The following BRINP3 variants were observed in gnomAD, a reference collection of about 807,000 sequenced individuals.
The protein encoded by BRINP3 is BMP/retinoic acid-inducible neural-specific protein 3.
BRINP3 carries 19 observed loss-of-function variants against 71.0 expected under a neutral mutation model. The ratio of observed to expected loss-of-function variants is 0.27; its 90% CI spans 0.19 to 0.39. The LOEUF (loss-of-function observed/expected upper bound fraction) is 0.39, where lower values mean the gene tolerates loss of function less well. BRINP3 is among the 10% of genes least tolerant of loss of function. The pLI, the probability that BRINP3 is intolerant of heterozygous loss-of-function variation, is 1.00. For missense variants in BRINP3, 959 were observed against 940.8 expected (o/e 1.02, Z -0.25); for synonymous variants, 380 against 337.7 (o/e 1.13, Z -1.37).
Position 190,276,191 on chromosome 1 carries a change from A to G in BRINP3, c.427+5369T>C, listed in dbSNP as rs547972174. The stretch of plus-strand genomic sequence containing the variant: ...GAAAGTAATTCTATGCATCTCAAGT[A>G]ATTATTCATATTTCTTTAAGAAATA... On this transcript the variant is annotated intron_variant, in intron 3 of 7. Coordinates refer to ENST00000367462, the MANE Select transcript of BRINP3 (RefSeq NM_199051.3). Among the ~76,000 whole-genome samples, 27 of 151,724 alleles carry G rather than the reference A, an allele frequency of 1.8e-4. 1 individual carries two copies. Among genetic ancestry groups the G allele is most frequent in the Non-Finnish European group, 3.1e-4 (21 of 67,724 alleles).
intron 2 of BRINP3, among the ~76,000 whole-genome samples, chr1:190,337,632 C>T (rs751877032): frequency 2.6e-5 from 4 of 152,068 alleles, no homozygotes; most frequent in Non-Finnish European, 5.9e-5. Context: ...GCCAGGGGCT[C>T]TCAGGCCTTC....
intron 2 of BRINP3, among the ~76,000 whole-genome samples, chr1:190,304,974 A>G (rs1272363061): frequency 6.6e-6 from 1 of 152,004 alleles, no homozygotes; most frequent in East Asian, 1.9e-4. Flanking sequence ...ACATTTCTCA[A>G]AAGAAGACAT....
chr1:190,244,392 T>A (rs1281733567), intron 4 of BRINP3, among the ~76,000 whole-genome samples: 1 of 152,130 alleles, frequency 6.6e-6, no homozygotes, highest in East Asian at 1.9e-4. Context: ...ATCTGCTCGA[T>A]TGATACTCAC....
chr1:190,437,573 A>G (rs530207841), intron 2 of BRINP3, among the ~76,000 whole-genome samples: 2 of 151,950 alleles, frequency 1.3e-5, no homozygotes, highest in East Asian at 3.9e-4. Flanking sequence ...CTGCCCTACT[A>G]TTAAAGTCTC....
At chr1:190,411,137 A>G (rs1233256557) in intron 2 of BRINP3, among the ~76,000 whole-genome samples, 1 of 152,152 alleles carries the variant, frequency 6.6e-6, no homozygotes, top group Non-Finnish European at 1.5e-5. Context: ...AATAGAGTCC[A>G]GAAACATACC....
intron 4 of BRINP3, among the ~76,000 whole-genome samples, chr1:190,249,660 C>G (rs983674576): frequency 1.1e-4 from 16 of 151,734 alleles, no homozygotes; most frequent in Non-Finnish European, 4.4e-5. Context: ...GGTTTTCAAA[C>G]TTTAACCTAC....
intron 2 of BRINP3, among the ~76,000 whole-genome samples, chr1:190,403,771 C>T (rs1364319244): frequency 6.6e-6 from 1 of 152,194 alleles, no homozygotes; most frequent in Non-Finnish European, 1.5e-5. Flanking sequence ...TTCAAATTCT[C>T]TGGATATTTG....
rs538794440 is a variant in BRINP3 at position 190,294,618 on chromosome 1, G to A, written c.237-12868C>T. On this transcript the variant is annotated intron_variant, in intron 2 of 7. Transcript: ENST00000367462. Reference sequence around the variant, plus strand: ...CTCACCTCTCCAGGTCTGGTGACTGGCACTTTATTTAATCAATTTTGTTAG... The same window carrying A: ...CTCACCTCTCCAGGTCTGGTGACTGACACTTTATTTAATCAATTTTGTTAG... Among the ~76,000 whole-genome samples, 25 of 152,132 alleles carry A rather than the reference G, an allele frequency of 1.6e-4. 1 individual carries two copies. The East Asian group carries it at 4.7e-3, about 28-fold the overall frequency.
chr1:190,322,824 A>G (rs1278611256), intron 2 of BRINP3, among the ~76,000 whole-genome samples: 1 of 152,102 alleles, frequency 6.6e-6, no homozygotes, highest in African/African-American at 2.4e-5. Flanking sequence ...TTTTTAACCA[A>G]ATCACCATCA....
intron 2 of BRINP3, among the ~76,000 whole-genome samples, chr1:190,310,543 T>G (rs1248081658): frequency 2.0e-5 from 3 of 151,740 alleles, no homozygotes; most frequent in African/African-American, 7.2e-5. Flanking sequence ...TCCAGCATAC[T>G]GCATGCCATT....
chr1:190,322,494 T>C (rs1474412798), intron 2 of BRINP3, among the ~76,000 whole-genome samples: 1 of 151,862 alleles, frequency 6.6e-6, no homozygotes. Context: ...CATGATTGAG[T>C]ACACAGACAG....
intron 1 of BRINP3, among the ~76,000 whole-genome samples, chr1:190,462,664 T>C (rs1266541395): frequency 6.6e-6 from 1 of 152,144 alleles, no homozygotes; most frequent in Non-Finnish European, 1.5e-5. Flanking sequence ...TACCAAGCAT[T>C]TCACGAAATT....
At chr1:190,456,909 C>G (rs938214865) in intron 1 of BRINP3, among the ~76,000 whole-genome samples, 3 of 152,082 alleles carry the variant, frequency 2.0e-5, no homozygotes, top group Non-Finnish European at 4.4e-5. Context: ...ACTTCAGTCA[C>G]ACCATCTAAA....
At chr1:190,326,691 C>A (rs1423541943) in intron 2 of BRINP3, among the ~76,000 whole-genome samples, 1 of 152,026 alleles carries the variant, frequency 6.6e-6, no homozygotes, top group Non-Finnish European at 1.5e-5. Context: ...AATTTCATAT[C>A]CTGTCAAACT....
At chr1:190,308,506 G>A (rs371338990) in intron 2 of BRINP3, among the ~76,000 whole-genome samples, 1 of 145,124 alleles carries the variant, frequency 6.9e-6, no homozygotes, top group Non-Finnish European at 1.6e-5. Context: ...GTGGGGGAAG[G>A]GGGGAGGGAT....
intron 2 of BRINP3, among the ~76,000 whole-genome samples, chr1:190,394,041 A>T (rs1331814113): frequency 6.6e-6 from 1 of 151,610 alleles, no homozygotes; most frequent in Admixed American, 6.6e-5. Flanking sequence ...TCCATAGAAA[A>T]TATATAATGT....
rs1417322839 is a variant in BRINP3, at chr1:190,454,933, C to T, written c.-43G>A. 6.6e-7 allele frequency: 1 copy of T among 1,513,932 alleles called. No homozygotes were observed. The highest frequency in any genetic ancestry group is 1.7e-5 in the Admixed American group (1 of 58,032). 93.8% of individuals were successfully genotyped at this position (1,513,932 alleles called of 1,614,324 possible). A position where few individuals can be genotyped will look rare whatever the true frequency, so the allele number is the denominator to read the frequency against. On this transcript the variant is annotated 5_prime_UTR_variant, in exon 2 of 8. Transcript: ENST00000367462. Reference sequence around the variant, plus strand: ...AGAGCCTTCATTCTCTCAGCTTTCCCTCAACACCTAGACAAAATACACAGG... The same window carrying T: ...AGAGCCTTCATTCTCTCAGCTTTCCTTCAACACCTAGACAAAATACACAGG...
At chr1:190,233,969 G>A (rs866601330) in intron 5 of BRINP3, among the ~76,000 whole-genome samples, 13 of 151,934 alleles carry the variant, frequency 8.6e-5, no homozygotes, top group Non-Finnish European at 1.8e-4. Context: ...TGCCACATTA[G>A]GTTATATATA....
At chr1:190,351,867 A>G (rs1349752920) in intron 2 of BRINP3, among the ~76,000 whole-genome samples, 1 of 152,090 alleles carries the variant, frequency 6.6e-6, no homozygotes, top group Non-Finnish European at 1.5e-5. Context: ...TTTGTAAAAA[A>G]TGCAACTAAA....
Sources: allele counts gnomAD v4.1 joint callset (sites outside exome capture counted in the v4.1 genomes callset), GRCh38; gene constraint gnomAD v4.1.1; transcripts MANE v1.5; gene names NCBI Gene and HGNC (gene_info 2026-07-23, HGNC 2026-07-21).